Variants in TNFRSF19 observed in about 807,000 individuals in gnomAD.
TNFRSF19 encodes the protein TNF receptor superfamily member 19.
TNFRSF19 carries 27 observed loss-of-function variants against 46.4 expected under a neutral mutation model. The ratio of observed to expected loss-of-function variants is 0.58; its 90% CI spans 0.43 to 0.80. The LOEUF (loss-of-function observed/expected upper bound fraction) is 0.80, where lower values mean the gene tolerates loss of function less well. TNFRSF19 is among the 30% of genes least tolerant of loss of function. The pLI is 0.00. For missense variants in TNFRSF19, 511 were observed against 530.8 expected (o/e 0.96, Z 0.37); for synonymous variants, 204 against 205.0 (o/e 1.00, Z 0.04).
intron 1 of TNFRSF19, among the ~76,000 whole-genome samples, chr13:23,589,118 A>T (rs1430108447): frequency 6.6e-6 from 1 of 152,094 alleles, no homozygotes; most frequent in Non-Finnish European, 1.5e-5. Context: ...TCCACTTGGG[A>T]TCTGTTAGTT....
chr13:23,658,946 C>T (rs1029192327), intron 5 of TNFRSF19, 104 bp from the exon 6 acceptor site: 9 of 1,470,566 alleles, frequency 6.1e-6, no homozygotes, highest in Non-Finnish European at 8.4e-6. Flanking sequence ...TGCCAGTTTT[C>T]TCACAGCATG....
intron 4 of TNFRSF19, among the ~76,000 whole-genome samples, chr13:23,626,042 C>T (rs1012863923): frequency 5.3e-5 from 8 of 152,158 alleles, no homozygotes; most frequent in Non-Finnish European, 7.4e-5. Context: ...TTCATTTCCA[C>T]GATCAAGATT....
At chr13:23,669,153 A>G in intron 9 of TNFRSF19, 56 bp downstream of exon 9, 2 of 1,550,154 alleles carry the variant, frequency 1.3e-6, no homozygotes, top group South Asian at 2.5e-5. Context: ...GTAGATCAGA[A>G]CTCTGTTCCC....
intron 3 of TNFRSF19, among the ~76,000 whole-genome samples, chr13:23,611,904 A>G (rs1291667620): frequency 1.3e-5 from 2 of 152,290 alleles, no homozygotes; most frequent in African/African-American, 2.4e-5. Flanking sequence ...ATTTGCTGAT[A>G]TGGAGCACTG....
chr13:23,636,659 G>C (rs2138323254), intron 5 of TNFRSF19, among the ~76,000 whole-genome samples: 1 of 152,336 alleles, frequency 6.6e-6, no homozygotes, highest in East Asian at 1.9e-4. Context: ...GGCCCTGAAA[G>C]AGGGGAGGAG....
Position 23,596,956 on chromosome 13 carries a change from G to A in TNFRSF19, c.180+3501G>A, listed in dbSNP as rs371202517. ...AGGATTGAGAAACTCACTCAAAGCC[G>A]CACAACTACATGGAAACTGAACAAC... On this transcript the variant is annotated intron_variant, in intron 3 of 9. Transcript: ENST00000248484. 1.2e-4 allele frequency among the ~76,000 whole-genome samples: 18 copies of A among 152,214 alleles called. No homozygotes were observed. In the East Asian group the frequency reaches 3.1e-3, roughly 26 times the overall value.
Position 23,611,341 on chromosome 13 carries a change from C to A in TNFRSF19, c.181-4526C>A, listed in dbSNP as rs904296216. Among the ~76,000 whole-genome samples, 26 of 152,176 alleles carry A rather than the reference C, an allele frequency of 1.7e-4. 1 individual carries two copies. Among genetic ancestry groups the A allele is most frequent in the Non-Finnish European group, 8.8e-5 (6 of 68,024 alleles). ...CAAGTGGGGATATATAGCCAAGGAG[C>A]AGGCTGGGTTTGGTGGATGGAAAAT... On this transcript the variant is annotated intron_variant, in intron 3 of 9. Coordinates refer to ENST00000248484, the MANE Select transcript of TNFRSF19 (RefSeq NM_148957.4).
intron 4 of TNFRSF19, among the ~76,000 whole-genome samples, chr13:23,626,086 C>G (rs1375909758): frequency 2.0e-5 from 3 of 152,178 alleles, no homozygotes; most frequent in Admixed American, 1.3e-4. Context: ...AAGGTATAGA[C>G]AGTACCATAA....
intron 3 of TNFRSF19, among the ~76,000 whole-genome samples, chr13:23,603,606 A>C (rs985192214): frequency 2.6e-5 from 4 of 152,124 alleles, no homozygotes; most frequent in Non-Finnish European, 5.9e-5. Context: ...GTATATTAAA[A>C]AAATCACACA....
intron 1 of TNFRSF19, among the ~76,000 whole-genome samples, chr13:23,575,573 C>T (rs1189417864): frequency 6.6e-6 from 1 of 152,168 alleles, no homozygotes; most frequent in African/African-American, 2.4e-5. Context: ...TTGGGGGTTC[C>T]TCCTCCACTT....
At position 23,607,170 on chromosome 13, in the gene TNFRSF19, A is replaced by C. The variant is rs572051544; in HGVS notation, c.181-8697A>C. Among the ~76,000 whole-genome samples the C allele has an allele frequency of 6.6e-5, 10 of 152,332 alleles. No homozygotes were observed. In the South Asian group the frequency reaches 1.9e-3, roughly 28 times the overall value. ...TAGTTTGGGCCAGGCACAGTGGCTC[A>C]CATCTGTAATCCCAGCACTTTGGGA... On this transcript the variant is annotated intron_variant, in intron 3 of 9. Coordinates refer to ENST00000248484, the MANE Select transcript of TNFRSF19 (RefSeq NM_148957.4).
At position 23,668,778 on chromosome 13, in the gene TNFRSF19, C is replaced by T; in HGVS notation, c.926C>T (p.Pro309Leu). The T allele has an allele frequency of 6.2e-7, 1 of 1,614,254 alleles. No homozygotes were observed. Residue 309 changes from proline to leucine, a missense_variant, in exon 9 of 10, where the codon CCT (proline) becomes CTT (leucine). Physicochemically the swap from Pro to Leu is moderately conservative, Grantham distance 98 (BLOSUM62 -3). Coordinates refer to ENST00000248484, the MANE Select transcript of TNFRSF19 (RefSeq NM_148957.4). ...SICGEFSDAW[P>L]LMQNPMGGDN... Reference sequence around the variant, plus strand: ...TGTGGCGAGTTTTCAGATGCCTGGCCTCTGATGCAGAATCCCATGGGTGGT... The same window carrying T: ...TGTGGCGAGTTTTCAGATGCCTGGCTTCTGATGCAGAATCCCATGGGTGGT...
chr13:23,628,552 G>T (rs1043480051), intron 5 of TNFRSF19, among the ~76,000 whole-genome samples: 4 of 152,046 alleles, frequency 2.6e-5, no homozygotes, highest in Admixed American at 1.3e-4. Flanking sequence ...AGTCTTAGGG[G>T]TTTTTTCCCA....
chr13:23,581,825 A>C (rs1315291521), intron 1 of TNFRSF19, among the ~76,000 whole-genome samples: 1 of 152,224 alleles, frequency 6.6e-6, no homozygotes, highest in Non-Finnish European at 1.5e-5. Context: ...AACACGATTC[A>C]AACAAAAACT....
At chr13:23,667,796 G>T (rs1951670437) in intron 7 of TNFRSF19, among the ~76,000 whole-genome samples, 184 bp from the exon 8 acceptor site, 1 of 151,484 alleles carries the variant, frequency 6.6e-6, no homozygotes, top group Non-Finnish European at 1.5e-5. Flanking sequence ...TCTACTCTCG[G>T]TACCTTATAT....
At chr13:23,579,893 G>C (rs1290123852) in intron 1 of TNFRSF19, among the ~76,000 whole-genome samples, 2 of 151,742 alleles carry the variant, frequency 1.3e-5, no homozygotes, top group Non-Finnish European at 2.9e-5. Context: ...CCCGGCCCCG[G>C]CGCCCGCCCG....
chr13:23,650,742 A>G (rs908025858), intron 5 of TNFRSF19, among the ~76,000 whole-genome samples: 5 of 152,248 alleles, frequency 3.3e-5, no homozygotes, highest in Admixed American at 6.5e-5. Flanking sequence ...ATAATTTTAA[A>G]TCAGTTCAAT....
intron 1 of TNFRSF19, among the ~76,000 whole-genome samples, chr13:23,578,491 A>AT (rs925548997): frequency 6.6e-6 from 1 of 152,202 alleles, no homozygotes; most frequent in Non-Finnish European, 1.5e-5. Context: ...TCACTCATTC[A>AT]TTCAACAAAT....
intron 5 of TNFRSF19, among the ~76,000 whole-genome samples, chr13:23,643,622 A>G (rs1167122064): frequency 1.4e-5 from 2 of 146,612 alleles, no homozygotes; most frequent in African/African-American, 2.5e-5. Context: ...TTTTCTTCCA[A>G]CACACAGTAA....
Sources: gnomAD v4.1 joint callset for allele counts (sites outside exome capture counted in the v4.1 genomes callset) on GRCh38, gnomAD v4.1.1 for gene constraint, MANE v1.5 for transcripts, NCBI Gene and HGNC (gene_info 2026-07-23, HGNC 2026-07-21) for gene names.